The following CTNNA3 variants were observed in gnomAD, a reference collection of about 807,000 sequenced individuals.
The protein encoded by CTNNA3 is catenin alpha-3.
CTNNA3 carries 76 observed loss-of-function variants against 95.7 expected under a neutral mutation model. The observed-to-expected ratio is 0.79, with a 90% CI of 0.66 to 0.96. The LOEUF (loss-of-function observed/expected upper bound fraction) is 0.96, where lower values mean the gene tolerates loss of function less well. Ranked by LOEUF, CTNNA3 falls within the 40% of genes least tolerant of loss-of-function variation. The pLI is 0.00. For synonymous variants in CTNNA3, 431 were observed against 374.4 expected (o/e 1.15, Z -1.74); for missense variants, 1,191 against 1,089.8 (o/e 1.09, Z -1.31).
At chr10:65,986,416 C>T (rs1375632911) in intron 16 of CTNNA3, among the ~76,000 whole-genome samples, 1 of 150,110 alleles carries the variant, frequency 6.7e-6, no homozygotes, top group African/African-American at 2.4e-5. Context: ...CATTTTTACA[C>T]ACAAATAGTG....
intron 5 of CTNNA3, among the ~76,000 whole-genome samples, chr10:67,343,392 G>C (rs1259964793): frequency 6.6e-6 from 1 of 152,072 alleles, no homozygotes; most frequent in Non-Finnish European, 1.5e-5. Flanking sequence ...CATGAACATG[G>C]AATATCTTTC....
chr10:67,726,573 ATAT>A (rs1841226491), intron 1 of CTNNA3, among the ~76,000 whole-genome samples: 1 of 69,684 alleles, frequency 1.4e-5, no homozygotes, highest in African/African-American at 7.4e-5. Flanking sequence ...TATATATTAC[ATAT>A]TATATAATAT....
At chr10:66,570,765 T>G (rs1842847277) in intron 10 of CTNNA3, among the ~76,000 whole-genome samples, 1 of 152,000 alleles carries the variant, frequency 6.6e-6, no homozygotes, top group African/African-American at 2.4e-5. Context: ...AATGGAAATG[T>G]TTTTTAAACC....
intron 7 of CTNNA3, among the ~76,000 whole-genome samples, chr10:66,933,264 C>A (rs945231133): frequency 6.6e-6 from 1 of 152,232 alleles, no homozygotes; most frequent in African/African-American, 2.4e-5. Context: ...GGCACAGCTT[C>A]TTCCACCTCA....
chr10:66,858,414 T>A (rs185199726), intron 7 of CTNNA3, among the ~76,000 whole-genome samples: 9 of 152,250 alleles, frequency 5.9e-5, no homozygotes, highest in Admixed American at 5.9e-4. Context: ...GCTGGTCTCA[T>A]AGAATGAATT....
At chr10:66,505,373 C>T (rs2456685) in intron 11 of CTNNA3, among the ~76,000 whole-genome samples, 10,367 of 152,210 alleles carry the variant, frequency 0.068, 1,008 homozygotes, top group East Asian at 0.45. Flanking sequence ...TGTCTTTCAC[C>T]ATGACCTACA....
intron 13 of CTNNA3, among the ~76,000 whole-genome samples, chr10:66,163,174 C>T (rs1303515606): frequency 6.6e-6 from 1 of 152,136 alleles, no homozygotes; most frequent in Non-Finnish European, 1.5e-5. Flanking sequence ...TATTCCCCCT[C>T]CTGTGGAGTC....
intron 2 of CTNNA3, among the ~76,000 whole-genome samples, chr10:67,636,207 A>G (rs1421574519): frequency 6.6e-6 from 1 of 152,228 alleles, no homozygotes; most frequent in African/African-American, 2.4e-5. Context: ...CCTCATGGAT[A>G]GGAAGAATCA....
intron 11 of CTNNA3, among the ~76,000 whole-genome samples, chr10:66,412,837 A>AAAAATGAAT (rs1225486921): frequency 2.6e-5 from 4 of 152,090 alleles, no homozygotes; most frequent in African/African-American, 4.8e-5. Context: ...AACTTGAAAA[A>AAAAATGAAT]AAAATGAATT....
At chr10:66,001,142 T>C (rs969154943) in intron 15 of CTNNA3, among the ~76,000 whole-genome samples, 1 of 151,974 alleles carries the variant, frequency 6.6e-6, no homozygotes, top group African/African-American at 2.4e-5. Flanking sequence ...TATATATATA[T>C]ACTACATTGC....
intron 7 of CTNNA3, among the ~76,000 whole-genome samples, chr10:66,978,885 T>C (rs1340255196): frequency 6.6e-6 from 1 of 151,396 alleles, no homozygotes; most frequent in African/African-American, 2.4e-5. Flanking sequence ...AGCCTATTAT[T>C]TGAAGGAAGC....
chr10:66,694,629 A>G (rs1847689084), intron 9 of CTNNA3, among the ~76,000 whole-genome samples: 2 of 152,112 alleles, frequency 1.3e-5, no homozygotes, highest in South Asian at 4.1e-4. Context: ...TCTAACTTTT[A>G]AAAATATGTA....
chr10:66,745,891 G>T (rs1028590192), intron 9 of CTNNA3, among the ~76,000 whole-genome samples: 2 of 151,826 alleles, frequency 1.3e-5, no homozygotes, highest in Non-Finnish European at 2.9e-5. Flanking sequence ...GAGCCACAGC[G>T]CCCGGCCCAC....
At chr10:67,632,126 CCACA>C (rs71006156) in intron 2 of CTNNA3, among the ~76,000 whole-genome samples, 1,751 of 139,024 alleles carry the variant, frequency 0.013, 18 homozygotes, top group African/African-American at 0.019. Flanking sequence ...AGTGTCTTAG[CCACA>C]CACACACACA....
intron 5 of CTNNA3, among the ~76,000 whole-genome samples, chr10:67,383,086 A>G (rs1200209995): frequency 6.6e-6 from 1 of 152,174 alleles, no homozygotes; most frequent in East Asian, 1.9e-4. Context: ...GCATGACTTA[A>G]TGTAAGTCTT....
chr10:67,705,681 T>C lies in CTNNA3; in HGVS notation c.-2+57753A>G, dbSNP rs1432463855. 1.9e-4 allele frequency among the ~76,000 whole-genome samples: 28 copies of C among 145,008 alleles called. No homozygotes were observed. In the East Asian group the frequency reaches 5.1e-3, roughly 26 times the overall value. Reference sequence around the variant, plus strand: ...TTTAGGAGATATACCTAATGCTAAATGACGAGTTAATGGGTGCAGCACACC... The same window carrying C: ...TTTAGGAGATATACCTAATGCTAAACGACGAGTTAATGGGTGCAGCACACC... On this transcript the variant is annotated intron_variant, in intron 1 of 17. Transcript: ENST00000684154.
chr10:67,347,564 A>T (rs1842473497), intron 5 of CTNNA3, among the ~76,000 whole-genome samples: 1 of 152,200 alleles, frequency 6.6e-6, no homozygotes, highest in African/African-American at 2.4e-5. Flanking sequence ...AACAAACTGT[A>T]TCCTTGTAGA....
intron 7 of CTNNA3, among the ~76,000 whole-genome samples, chr10:67,090,718 A>G (rs1857579844): frequency 6.6e-6 from 1 of 152,086 alleles, no homozygotes; most frequent in South Asian, 2.1e-4. Context: ...TGAAGAGAAT[A>G]TTAGAGACGT....
intron 7 of CTNNA3, among the ~76,000 whole-genome samples, chr10:66,811,719 T>A (rs1841885235): frequency 1.3e-5 from 2 of 152,158 alleles, no homozygotes; most frequent in Admixed American, 1.3e-4. Flanking sequence ...TGCTAGGAAT[T>A]GTGCATGATC....
Sources: gnomAD v4.1 joint callset for allele counts (sites outside exome capture counted in the v4.1 genomes callset) on GRCh38, gnomAD v4.1.1 for gene constraint, MANE v1.5 for transcripts, NCBI Gene and HGNC (gene_info 2026-07-23, HGNC 2026-07-21) for gene names.